MCM9: variants seen among roughly 807,000 people sequenced by gnomAD.
MCM9 encodes DNA helicase MCM9.
MCM9 carries 55 observed loss-of-function variants against 72.8 expected under a neutral mutation model. That is an observed-to-expected ratio of 0.76 (90% CI 0.61 to 0.95). The LOEUF is 0.95. Ranked by LOEUF, MCM9 falls within the 40% of genes least tolerant of loss-of-function variation. The pLI is 0.00. For synonymous variants in MCM9, 480 were observed against 503.4 expected, an observed-to-expected ratio of 0.95 and a Z score of 0.62; for missense variants, 1,279 against 1,377.0, an observed-to-expected ratio of 0.93 and a Z score of 1.13.
chr6:118,911,638 C>A lies in MCM9; in HGVS notation c.1150+12G>T, dbSNP rs1401191248. ...GTAATGTTAAATTACTTGAAATTGT[C>A]ACATACAATACCTGCACTAGTAGAT... On this transcript the variant is annotated intron_variant, in intron 8 of 13. Coordinates refer to ENST00000619706, the MANE Select transcript of MCM9 (RefSeq NM_017696.3). 1.3e-6 allele frequency: 2 copies of A among 1,599,590 alleles called. No individual in the cohort carries two copies. Among genetic ancestry groups the A allele is most frequent in the African/African-American group, 2.7e-5 (2 of 74,496 alleles).
chr6:118,871,783 T>C (rs1777614109), intron 8 of MCM9, among the ~76,000 whole-genome samples: 1 of 151,940 alleles, frequency 6.6e-6, no homozygotes, highest in Non-Finnish European at 1.5e-5. Context: ...GTTGGGCCCC[T>C]GTAGTCCCAG....
chr6:118,900,290 A>G (rs1199640096), intron 8 of MCM9, among the ~76,000 whole-genome samples: 1 of 152,162 alleles, frequency 6.6e-6, no homozygotes, highest in African/African-American at 2.4e-5. Flanking sequence ...CTCTGTGATT[A>G]TTTGGATCTC....
intron 8 of MCM9, among the ~76,000 whole-genome samples, chr6:118,898,418 T>C (rs904698764): frequency 1.3e-5 from 2 of 150,210 alleles, no homozygotes; most frequent in Admixed American, 1.3e-4. Context: ...AAAACCTTTA[T>C]GTAATAATTT....
At chr6:118,874,346 A>T (rs1222374306) in intron 8 of MCM9, among the ~76,000 whole-genome samples, 1 of 152,240 alleles carries the variant, frequency 6.6e-6, no homozygotes, top group Admixed American at 6.5e-5. Flanking sequence ...ATAGATGCAG[A>T]AAAAGCATCT....
At chr6:118,819,268 G>C (rs1773628685) in intron 13 of MCM9, among the ~76,000 whole-genome samples, 2 of 152,106 alleles carry the variant, frequency 1.3e-5, no homozygotes, top group South Asian at 4.1e-4. Flanking sequence ...GTCATAAATA[G>C]CTCTTATTAT....
rs538698643 is a variant in MCM9, at chr6:118,933,423, G to A, written c.-149-683C>T. ...CAGGAGGCTGAGGCAGGAGAATGGC[G>A]TGAACCCGGGAGGCGGAGCTTGCAG... On this transcript the variant is annotated intron_variant, in intron 1 of 13. Coordinates refer to ENST00000619706, the MANE Select transcript of MCM9 (RefSeq NM_017696.3). Among the ~76,000 whole-genome samples, 6 of 151,794 alleles carry A rather than the reference G, an allele frequency of 4.0e-5. No individual in the cohort carries two copies. The East Asian group carries it at 1.2e-3, about 29-fold the overall frequency.
intron 6 of MCM9, among the ~76,000 whole-genome samples, chr6:118,914,680 C>T (rs1780800168): frequency 6.6e-6 from 1 of 152,010 alleles, no homozygotes; most frequent in Admixed American, 6.6e-5. Context: ...CTAGTGATTA[C>T]ATGTGGAAGG....
intron 8 of MCM9, among the ~76,000 whole-genome samples, chr6:118,873,289 AAAGAG>A (rs1777734731): frequency 1.3e-5 from 2 of 151,816 alleles, no homozygotes; most frequent in Non-Finnish European, 2.9e-5. Context: ...AAAGAAGAGA[AAAGAG>A]AAGAGAAGAA....
chr6:118,873,893 C>T (rs926216964), intron 8 of MCM9, among the ~76,000 whole-genome samples: 5 of 152,110 alleles, frequency 3.3e-5, no homozygotes, highest in African/African-American at 1.2e-4. Flanking sequence ...TAAATCTAGT[C>T]CACAATGCAT....
rs192976516 is a variant in MCM9, at chr6:118,875,640, A to T, written c.1151-19095T>A. ...AACAGAGTGAGACCCTGTCTCAAAA[A>T]AATAATAATAATAATTAAAATAATA... On this transcript the variant is annotated intron_variant, in intron 8 of 13. Transcript: ENST00000619706. 5.1e-3 allele frequency among the ~76,000 whole-genome samples: 516 copies of T among 100,748 alleles called. 3 individuals carry two copies. The highest frequency in any genetic ancestry group is 0.02 in the African/African-American group (497 of 25,172). 66.1% of individuals were successfully genotyped at this position (100,748 alleles called of 152,430 possible). A position where few individuals can be genotyped will look rare whatever the true frequency, so the allele number is the denominator to read the frequency against.
intron 8 of MCM9, 81 bp downstream of exon 8, chr6:118,911,569 T>C: frequency 6.6e-7 from 1 of 1,520,752 alleles, no homozygotes; most frequent in South Asian, 1.3e-5. Context: ...TATCCTATTA[T>C]AGGTAGTTTT....
intron 8 of MCM9, chr6:118,894,610 G>C: frequency 8.5e-7 from 1 of 1,178,994 alleles, no homozygotes; most frequent in South Asian, 1.3e-5. Flanking sequence ...CTGGGCGGCT[G>C]TGTTCGGCGC....
chr6:118,831,890 A>T (rs1290454171), intron 9 of MCM9, among the ~76,000 whole-genome samples: 1 of 152,162 alleles, frequency 6.6e-6, no homozygotes, highest in Non-Finnish European at 1.5e-5. Flanking sequence ...TGCTATTATC[A>T]CAAACTTAGA....
chr6:118,823,493 T>G (rs1475116069), intron 13 of MCM9, among the ~76,000 whole-genome samples: 1 of 152,224 alleles, frequency 6.6e-6, no homozygotes, highest in African/African-American at 2.4e-5. Context: ...ATCACCTGCC[T>G]TCTGCATTGG....
chr6:118,924,697 T>C (rs986838815), intron 3 of MCM9, among the ~76,000 whole-genome samples: 13 of 152,246 alleles, frequency 8.5e-5, no homozygotes, highest in South Asian at 2.1e-4. Context: ...CATCACCTTA[T>C]CCTATAAAAG....
chr6:118,815,413 A>G lies in MCM9; in HGVS notation c.2843T>C (p.Ile948Thr). The G allele has an allele frequency of 3.9e-6, 6 of 1,550,548 alleles. No individual in the cohort carries two copies. The highest frequency in any genetic ancestry group is 5.2e-6 in the Non-Finnish European group (6 of 1,146,954). ...HSHVSPGATK[I>T]AVHSPKISQR... ...GGAAATTTTAGGACTATGAACTGCT[A>G]TTTTAGTTGCACCAGGTGACACATG... The change falls in exon 14 of 14, where the codon ATA becomes ACA. Residue 948 changes from isoleucine to threonine, a missense_variant. Transcript: ENST00000619706.
Position 118,854,341 on chromosome 6 carries a change from C to T in MCM9, c.1325+2030G>A, listed in dbSNP as rs544260373. Among the ~76,000 whole-genome samples the T allele has an allele frequency of 5.9e-5, 9 of 152,136 alleles. No individual in the cohort carries two copies. In the East Asian group the frequency reaches 1.7e-3, roughly 29 times the overall value. On this transcript the variant is annotated intron_variant, in intron 9 of 13. Coordinates refer to ENST00000619706, the MANE Select transcript of MCM9 (RefSeq NM_017696.3). ...GTCTTTCACCATGAAGTATGAGACG[C>T]AGGTGTTTTTTGTTGTTGTTGTTGT...
At chr6:118,892,082 T>A (rs1040757866) in intron 8 of MCM9, among the ~76,000 whole-genome samples, 3 of 152,218 alleles carry the variant, frequency 2.0e-5, no homozygotes, top group Non-Finnish European at 4.4e-5. Flanking sequence ...ATTAGAAATA[T>A]GCCAGGACAT....
chr6:118,837,774 C>T (rs1775067002), intron 9 of MCM9, among the ~76,000 whole-genome samples: 1 of 152,108 alleles, frequency 6.6e-6, no homozygotes, highest in African/African-American at 2.4e-5. Context: ...AGATGGGTCT[C>T]CTGAATACAG....
Sources: allele counts gnomAD v4.1 joint callset (sites outside exome capture counted in the v4.1 genomes callset), GRCh38; gene constraint gnomAD v4.1.1; transcripts MANE v1.5; gene names NCBI Gene and HGNC (gene_info 2026-07-23, HGNC 2026-07-21).